The following ERAP1 variants were observed in gnomAD, a reference collection of about 807,000 sequenced individuals.
The protein encoded by ERAP1 is endoplasmic reticulum aminopeptidase 1.
Under a neutral mutation model 103.7 loss-of-function variants are expected in ERAP1, and 86 were observed. That is an observed-to-expected ratio of 0.83 (90% CI 0.70 to 0.99). The LOEUF (loss-of-function observed/expected upper bound fraction) is 0.99. Among genes scored for constraint, ERAP1 ranks in the 50% least tolerant of loss-of-function variants. ERAP1 has a pLI of 0.00. For missense variants in ERAP1, 1,009 were observed against 1,128.4 expected (o/e 0.89, Z 1.52); for synonymous variants, 398 against 402.4 (o/e 0.99, Z 0.13).
chr5:96,793,908 T>C lies in ERAP1; in HGVS notation c.969A>G (p.Gly323=). The C allele has an allele frequency of 6.2e-7, 1 of 1,614,128 alleles. No homozygotes were observed. Among genetic ancestry groups the C allele is most frequent in the Non-Finnish European group, 8.5e-7 (1 of 1,179,986 alleles). The change falls in exon 6 of 19, where the codon GGA becomes GGG. Residue 323 remains glycine, a synonymous_variant. Transcript: ENST00000443439. ...DFQSGAMENW[G]LTTYRESALL... ...GAGCAGATTCTCTATATGTTGTCAG[T>C]CCCCAGTTTTCCATAGCACCAGACT...
the ERAP1 span, among the ~76,000 whole-genome samples, chr5:96,888,158 G>GA: frequency 1.0e-5 from 1 of 97,376 alleles, no homozygotes. Context: ...AAGAATAAAA[G>GA]AAAAAAAAAG....
chr5:96,824,095 A>C, the ERAP1 span, among the ~76,000 whole-genome samples: 1 of 152,250 alleles, frequency 6.6e-6, no homozygotes, highest in Non-Finnish European at 1.5e-5. Flanking sequence ...AGAATGATGC[A>C]TAATTGAAAC....
intron 7 of ERAP1, 99 bp from the exon 8 acceptor site, chr5:96,792,291 C>G: frequency 8.4e-7 from 1 of 1,193,036 alleles, no homozygotes; most frequent in Non-Finnish European, 1.2e-6. Context: ...GTCCATACTT[C>G]ACATTTTGGG....
At chr5:96,808,524 T>C (rs1041273599), upstream of ERAP1, among the ~76,000 whole-genome samples, 2 of 152,046 alleles carry the variant, frequency 1.3e-5, no homozygotes, top group Admixed American at 1.3e-4. Flanking sequence ...GTGCCGCACC[T>C]TCTGGGGCTT....
At chr5:96,902,472 T>C in the ERAP1 span, 1 of 645,324 alleles carries the variant, frequency 1.5e-6, no homozygotes, top group Admixed American at 2.7e-5. Context: ...TTGAGGGAAG[T>C]TGTCATTTAT....
upstream of ERAP1, among the ~76,000 whole-genome samples, chr5:96,809,407 C>G (rs952210132): frequency 7.9e-5 from 12 of 152,284 alleles, no homozygotes; most frequent in African/African-American, 2.2e-4. Flanking sequence ...GAACAGGACC[C>G]TTTTCATGCG....
At chr5:96,771,759 G>T (rs1295551993), downstream of ERAP1, 2 of 1,092,326 alleles carry the variant, frequency 1.8e-6, no homozygotes, top group African/African-American at 3.1e-5. Context: ...CAATTTATGT[G>T]TTATAGATGA....
the ERAP1 span, among the ~76,000 whole-genome samples, chr5:96,864,836 A>G: frequency 6.6e-6 from 1 of 152,104 alleles, no homozygotes; most frequent in Non-Finnish European, 1.5e-5. Context: ...AGTGACTTAT[A>G]TATGTGTAAG....
chr5:96,860,772 A>G, the ERAP1 span, among the ~76,000 whole-genome samples: 4 of 152,294 alleles, frequency 2.6e-5, no homozygotes, highest in African/African-American at 9.6e-5. Context: ...GCTGTTTATC[A>G]TATTCTAAAT....
At chr5:96,881,300 T>C in the ERAP1 span, 12 of 407,600 alleles carry the variant, frequency 2.9e-5, no homozygotes, top group Admixed American at 5.4e-5. Context: ...GTGATGCTAA[T>C]TTGGGCCAGG....
At chr5:96,822,548 C>T in the ERAP1 span, among the ~76,000 whole-genome samples, 1 of 152,156 alleles carries the variant, frequency 6.6e-6, no homozygotes, top group Admixed American at 6.5e-5. Context: ...TATGTGTCAA[C>T]TTGACTGGAC....
chr5:96,921,582 A>G, the ERAP1 span, among the ~76,000 whole-genome samples: 1 of 152,238 alleles, frequency 6.6e-6, no homozygotes, highest in African/African-American at 2.4e-5. Context: ...CGTTTCTACA[A>G]TCTTTCCTTC....
chr5:96,767,835 T>C, intron 19 of ERAP1: 1 of 834,486 alleles, frequency 1.2e-6, no homozygotes, highest in Admixed American at 2.1e-5. Flanking sequence ...TTGTAAGTGA[T>C]GTGGGAAAAG....
the ERAP1 span, among the ~76,000 whole-genome samples, chr5:96,874,184 G>GAA: frequency 2.3e-4 from 27 of 119,356 alleles, no homozygotes; most frequent in South Asian, 6.2e-4. Context: ...GAAAGAAAGA[G>GAA]AGAGAGAAAG....
chr5:96,896,781 T>C, the ERAP1 span: 1 of 1,602,608 alleles, frequency 6.2e-7, no homozygotes, highest in African/African-American at 1.3e-5. Context: ...GAGGAGAAAT[T>C]CCAGAAAGGA....
chr5:96,882,082 C>T, the ERAP1 span, among the ~76,000 whole-genome samples: 1 of 152,140 alleles, frequency 6.6e-6, no homozygotes, highest in Non-Finnish European at 1.5e-5. Flanking sequence ...GACAACTCTT[C>T]CCCAGGCTCC....
chr5:96,763,348 G>T (rs1243883085), intron 19 of ERAP1: 1 of 744,300 alleles, frequency 1.3e-6, no homozygotes, highest in Non-Finnish European at 2.5e-6. Context: ...TGCCCCGTGT[G>T]TGTGTATGTG....
At chr5:96,876,965 T>G in the ERAP1 span, among the ~76,000 whole-genome samples, 3 of 152,154 alleles carry the variant, frequency 2.0e-5, no homozygotes, top group Non-Finnish European at 4.4e-5. Flanking sequence ...TTTAATTTAA[T>G]TTATGTATTT....
rs774870860 is a variant in ERAP1, at chr5:96,788,590, C to T, written c.1620G>A (p.Arg540=). The change falls in exon 11 of 19, where the codon AGG becomes AGA. Residue 540 remains arginine (R), a synonymous_variant. Coordinates refer to ENST00000443439, the MANE Select transcript of ERAP1 (RefSeq NM_001040458.3). ...AGTGCTCTTGCTTCATGTGTACATT[C>T]CTCCCCCTCACTGTGATGGTTATTA... is the stretch of plus-strand genomic sequence containing the variant. ...FPLITITVRG[R]NVHMKQEHYM... 4 of 1,614,184 alleles carry T rather than the reference C, an allele frequency of 2.5e-6. No individual in the cohort carries two copies. The Admixed American group carries it at 5.0e-5, about 20-fold the overall frequency.
Sources: gnomAD v4.1 joint callset for allele counts (sites outside exome capture counted in the v4.1 genomes callset) on GRCh38, gnomAD v4.1.1 for gene constraint, MANE v1.5 for transcripts, NCBI Gene and HGNC (gene_info 2026-07-23, HGNC 2026-07-21) for gene names.